The following RAD54B variants were observed in gnomAD, a reference collection of about 807,000 sequenced individuals.
RAD54B encodes the protein RAD54 homolog B, also known as DNA repair and recombination protein RAD54B.
RAD54B carries 78 observed loss-of-function variants against 95.8 expected under a neutral mutation model. The ratio of observed to expected loss-of-function variants is 0.81; its 90% CI spans 0.68 to 0.98. RAD54B has a LOEUF of 0.98. RAD54B is among the 50% of genes least tolerant of loss of function. The pLI, the probability that RAD54B is intolerant of heterozygous loss-of-function variation, is 0.00. For synonymous variants in RAD54B, 328 were observed against 354.9 expected (o/e 0.92, Z 0.85); for missense variants, 957 against 1,056.6 (o/e 0.91, Z 1.31).
intron 3 of RAD54B, among the ~76,000 whole-genome samples, chr8:94,453,296 A>T (rs1003910274): frequency 2.6e-5 from 4 of 152,260 alleles, no homozygotes; most frequent in African/African-American, 7.2e-5. Flanking sequence ...TGGGAGGCTG[A>T]GGTGGGCGGA....
At chr8:94,449,286 T>C (rs1812598102) in intron 3 of RAD54B, among the ~76,000 whole-genome samples, 1 of 150,472 alleles carries the variant, frequency 6.6e-6, no homozygotes, top group Admixed American at 6.6e-5. Context: ...GCCTCTTCCC[T>C]TGAGTGACCC....
intron 3 of RAD54B, among the ~76,000 whole-genome samples, chr8:94,439,996 C>A (rs1287228554): frequency 6.6e-6 from 1 of 152,122 alleles, no homozygotes; most frequent in Non-Finnish European, 1.5e-5. Context: ...ATTTTTCCCA[C>A]AAGGGATGGC....
chr8:94,407,575 A>C lies in RAD54B; in HGVS notation c.645T>G (p.Thr215=). The C allele has an allele frequency of 6.2e-7, 1 of 1,614,058 alleles. No individual in the cohort carries two copies. The highest frequency in any genetic ancestry group is 1.1e-5 in the South Asian group (1 of 91,082). ...GRCFQLGGGS[T]AISHSSQVAR... is the part of the protein sequence containing the mutation. ...CAACCTGAGAAGAATGCGAGATAGC[A>C]GTACTTCCTCCTCCAAGCTGAAAAC... The change falls in exon 5 of 15, where the codon ACT becomes ACG. Residue 215 remains threonine (T), a synonymous_variant. Transcript: ENST00000336148.
At chr8:94,452,347 C>G (rs908366549) in intron 3 of RAD54B, among the ~76,000 whole-genome samples, 1 of 152,228 alleles carries the variant, frequency 6.6e-6, no homozygotes, top group African/African-American at 2.4e-5. Context: ...ATATAGCAGC[C>G]TGTCCTTGTT....
intron 3 of RAD54B, among the ~76,000 whole-genome samples, chr8:94,443,699 C>G (rs1446218123): frequency 6.6e-6 from 1 of 151,838 alleles, no homozygotes; most frequent in East Asian, 1.9e-4. Context: ...TCTTACCTTC[C>G]TTTGTCCCTT....
rs1473276026 is a variant in RAD54B at position 94,416,227 on chromosome 8, G to A, written c.305-4912C>T. On this transcript the variant is annotated intron_variant, in intron 3 of 14. Transcript: ENST00000336148. ...TCATGTCCTTTGTAGGGACATGGAT[G>A]AAATTGGAAATCATCATTCTCAGTA... Among the ~76,000 whole-genome samples the A allele has an allele frequency of 5.3e-5, 8 of 151,548 alleles. No individual in the cohort carries two copies. In the South Asian group the frequency reaches 1.3e-3, roughly 24 times the overall value.
chr8:94,468,198 T>C (rs961276340), intron 1 of RAD54B, among the ~76,000 whole-genome samples: 1 of 152,194 alleles, frequency 6.6e-6, no homozygotes, highest in African/African-American at 2.4e-5. Context: ...TTTATGACTT[T>C]GCCTGTAACC....
intron 8 of RAD54B, 73 bp from the exon 9 acceptor site, chr8:94,393,955 C>A: frequency 4.5e-6 from 6 of 1,327,632 alleles, no homozygotes; most frequent in South Asian, 3.2e-5. Flanking sequence ...TATAGCAAAA[C>A]CACAATGGAA....
intron 6 of RAD54B, among the ~76,000 whole-genome samples, chr8:94,402,239 T>G (rs1811282308): frequency 6.6e-6 from 1 of 150,686 alleles, no homozygotes; most frequent in Non-Finnish European, 1.5e-5. Flanking sequence ...AAAAGTTTAA[T>G]GTGCTATTTT....
At chr8:94,384,824 A>C (rs1220626045) in intron 11 of RAD54B, among the ~76,000 whole-genome samples, 1 of 152,184 alleles carries the variant, frequency 6.6e-6, no homozygotes, top group East Asian at 1.9e-4. Flanking sequence ...ACCCACAAGG[A>C]GTCAAATGAC....
At chr8:94,399,370 C>T in intron 8 of RAD54B, 44 bp downstream of exon 8, 2 of 1,503,536 alleles carry the variant, frequency 1.3e-6, no homozygotes, top group South Asian at 1.1e-5. Context: ...TGTATGTTCA[C>T]TAGGCAAAAA....
At chr8:94,473,456 T>G (rs1015471315) in intron 1 of RAD54B, among the ~76,000 whole-genome samples, 2 of 152,196 alleles carry the variant, frequency 1.3e-5, no homozygotes, top group African/African-American at 4.8e-5. Context: ...TTCCTCATCT[T>G]TAAGAGGGGG....
intron 3 of RAD54B, among the ~76,000 whole-genome samples, chr8:94,412,161 A>G (rs1230611855): frequency 6.6e-6 from 1 of 152,156 alleles, no homozygotes; most frequent in Admixed American, 6.5e-5. Context: ...CACTGAGCAT[A>G]ATGTCCTCCG....
intron 3 of RAD54B, among the ~76,000 whole-genome samples, chr8:94,446,214 T>C (rs1812516268): frequency 6.6e-6 from 1 of 152,212 alleles, no homozygotes. Flanking sequence ...GGGGTGATTT[T>C]TTCCACAAAC....
chr8:94,464,711 T>C (rs1812983123), intron 2 of RAD54B, among the ~76,000 whole-genome samples: 1 of 152,194 alleles, frequency 6.6e-6, no homozygotes, highest in Non-Finnish European at 1.5e-5. Context: ...CTGTATTAGT[T>C]TGCATTGCTA....
At chr8:94,380,040 T>A (rs1261318596) in intron 12 of RAD54B, 105 bp downstream of exon 12, 2 of 1,289,966 alleles carry the variant, frequency 1.6e-6, no homozygotes, top group African/African-American at 3.0e-5. Flanking sequence ...AAATAAGGGC[T>A]CTTTATGCAG....
intron 6 of RAD54B, 151 bp from the exon 7 acceptor site, chr8:94,400,614 G>T (rs910766460): frequency 5.5e-5 from 34 of 618,540 alleles, no homozygotes; most frequent in Non-Finnish European, 8.4e-5. Flanking sequence ...TTGCATCTTT[G>T]ATAATTATAT....
At chr8:94,372,510 T>C in intron 14 of RAD54B, 123 bp from the exon 15 acceptor site, 3 of 1,445,624 alleles carry the variant, frequency 2.1e-6, no homozygotes, top group Non-Finnish European at 2.7e-6. Flanking sequence ...ATGGTTCAAG[T>C]TAAAACAAAT....
chr8:94,415,212 G>A (rs1440987405), intron 3 of RAD54B, among the ~76,000 whole-genome samples: 9 of 151,290 alleles, frequency 5.9e-5, no homozygotes, highest in Non-Finnish European at 8.8e-5. Flanking sequence ...AAATAACACC[G>A]CATATCTACA....
Sources: gnomAD v4.1 joint callset for allele counts (sites outside exome capture counted in the v4.1 genomes callset) on GRCh38, gnomAD v4.1.1 for gene constraint, MANE v1.5 for transcripts, NCBI Gene and HGNC (gene_info 2026-07-23, HGNC 2026-07-21) for gene names.